Variants in CORO1C observed in about 807,000 individuals in gnomAD.
CORO1C encodes coronin 1C.
Under a neutral mutation model 51.2 loss-of-function variants are expected in CORO1C, and 14 were observed. The observed-to-expected ratio is 0.27, with a 90% confidence interval of 0.18 to 0.43. The LOEUF (loss-of-function observed/expected upper bound fraction) is 0.43. CORO1C is among the 20% of genes least tolerant of loss of function. The pLI, the probability that CORO1C is intolerant of heterozygous loss-of-function variation, is 1.00. For synonymous variants in CORO1C, 181 were observed against 210.5 expected, an observed-to-expected ratio of 0.86 and a Z score of 1.21; for missense variants, 417 against 607.8, an observed-to-expected ratio of 0.69 and a Z score of 3.30.
intron 3 of CORO1C, among the ~76,000 whole-genome samples, chr12:108,667,044 T>C (rs1172886807): frequency 6.6e-6 from 1 of 151,346 alleles, no homozygotes; most frequent in Non-Finnish European, 1.5e-5. Context: ...CTAAATATTA[T>C]CATGCACATA....
intron 2 of CORO1C, among the ~76,000 whole-genome samples, chr12:108,689,379 G>A (rs1039131530): frequency 9.2e-5 from 14 of 152,168 alleles, no homozygotes; most frequent in Non-Finnish European, 1.6e-4. Flanking sequence ...ACATTCATTC[G>A]AGTGATAAGT....
In CORO1C at chr12:108,709,583, T is replaced by C. The variant is rs993091162; in HGVS notation, c.-5-8260A>G. ...TTAAAAACTGTTCAGTTTTAACCTT[T>C]AAATTAAGATGGCATATCACCAAAC... On this transcript the variant is annotated intron_variant, in intron 1 of 10. Transcript: ENST00000261401. 9.3e-3 allele frequency among the ~76,000 whole-genome samples: 1,414 copies of C among 152,318 alleles called. 26 individuals are homozygous for C. The highest frequency in any genetic ancestry group is 0.032 in the African/African-American group (1,345 of 41,564).
chr12:108,649,052 TA>T, intron 8 of CORO1C, 32 bp from the exon 9 acceptor site: 2 of 1,609,112 alleles, frequency 1.2e-6, no homozygotes, highest in Non-Finnish European at 1.7e-6. Flanking sequence ...AAAGTTGCAT[TA>T]AGTGAAATAT....
chr12:108,692,989 G>C (rs1049004543), intron 2 of CORO1C, among the ~76,000 whole-genome samples: 2 of 151,760 alleles, frequency 1.3e-5, no homozygotes, highest in Non-Finnish European at 2.9e-5. Context: ...GTAGAGACAG[G>C]GTTTCACCAT....
At chr12:108,718,834 T>A (rs1408243597) in intron 1 of CORO1C, among the ~76,000 whole-genome samples, 2 of 152,226 alleles carry the variant, frequency 1.3e-5, no homozygotes, top group Non-Finnish European at 2.9e-5. Context: ...TTTAACTCAC[T>A]GGAGATAATG....
chr12:108,654,196 C>G, intron 7 of CORO1C, 110 bp downstream of exon 7: 1 of 752,562 alleles, frequency 1.3e-6, no homozygotes. Context: ...CATACACACA[C>G]AAATTAGAAA....
In CORO1C at chr12:108,658,994, A is replaced by G. The variant is rs2033143063; in HGVS notation, c.449-75T>C. The G allele has an allele frequency of 1.4e-6, 2 of 1,457,028 alleles. No individual in the cohort carries two copies. Among genetic ancestry groups the G allele is most frequent in the Middle Eastern group, 3.6e-4 (2 of 5,604 alleles). The allele number at this position is 1,457,028 out of a possible 1,614,324, so 90.3% of individuals were successfully genotyped here. On this transcript the variant is annotated intron_variant, in intron 4 of 10. Coordinates refer to ENST00000261401, the MANE Select transcript of CORO1C (RefSeq NM_014325.4). The surrounding 1 kb of genome is among the most constrained non-coding windows in gnomAD (Gnocchi z 4.9). ...AACACACTCAGAAAACTACAGATACAGTGAGAATACACATATGTATATGCA... is the reference window on the plus strand; with the variant it reads ...AACACACTCAGAAAACTACAGATACGGTGAGAATACACATATGTATATGCA...
chr12:108,720,525 A>ATT lies in CORO1C; in HGVS notation c.-6+10902_-6+10903dup, dbSNP rs529801525. On this transcript the variant is annotated intron_variant, in intron 1 of 10. Coordinates refer to ENST00000261401, the MANE Select transcript of CORO1C (RefSeq NM_014325.4). ...GTTAGTTTATAATAACATAATAAGA[A>ATT]TTTTTTTTTTTTATTTGAGATGGAG... is the stretch of plus-strand genomic sequence containing the variant. Among the ~76,000 whole-genome samples, 29 of 148,964 alleles carry ATT rather than the reference A, an allele frequency of 1.9e-4. 1 individual carries two copies. The highest frequency in any genetic ancestry group is 1.3e-3 in the South Asian group (6 of 4,728).
At chr12:108,713,347 T>A (rs781384281) in intron 1 of CORO1C, among the ~76,000 whole-genome samples, 8 of 152,194 alleles carry the variant, frequency 5.3e-5, no homozygotes, top group Non-Finnish European at 1.0e-4. Flanking sequence ...GTTGGTTCAA[T>A]TGATTATAAC....
intron 2 of CORO1C, among the ~76,000 whole-genome samples, chr12:108,698,871 T>C (rs893343598): frequency 1.2e-4 from 19 of 152,210 alleles, no homozygotes; most frequent in African/African-American, 4.6e-4. Context: ...CTATGCCACA[T>C]TGACGCTAAG....
chr12:108,656,986 A>G (rs1030553288), intron 6 of CORO1C, among the ~76,000 whole-genome samples: 6 of 152,088 alleles, frequency 3.9e-5, no homozygotes, highest in Non-Finnish European at 8.8e-5. Flanking sequence ...CCTTCCCTCC[A>G]CTATTGTCCT....
intron 2 of CORO1C, 112 bp downstream of exon 2, chr12:108,701,012 C>A: frequency 1.7e-6 from 2 of 1,170,870 alleles, no homozygotes; most frequent in Non-Finnish European, 2.5e-6. Context: ...TCAATTACAT[C>A]AGAGTCTAAT....
At chr12:108,696,562 G>A (rs927384743) in intron 2 of CORO1C, among the ~76,000 whole-genome samples, 2 of 152,206 alleles carry the variant, frequency 1.3e-5, no homozygotes, top group African/African-American at 4.8e-5. Flanking sequence ...TCATGCCAAC[G>A]TGGTAGATTA....
At chr12:108,705,440 A>T (rs2034998507) in intron 1 of CORO1C, among the ~76,000 whole-genome samples, 1 of 141,022 alleles carries the variant, frequency 7.1e-6, no homozygotes. Context: ...AGCCTAGGTG[A>T]CAGAGCAAGA....
In CORO1C at chr12:108,647,268, G is replaced by A; in HGVS notation, c.*135C>T. The A allele has an allele frequency of 1.3e-6, 1 of 771,784 alleles. No homozygotes were observed. Among genetic ancestry groups the A allele is most frequent in the Non-Finnish European group, 2.0e-6 (1 of 501,572 alleles). The allele number at this position is 771,784 out of a possible 1,614,324, so 47.8% of individuals were successfully genotyped here. ...TCTTACTGGAATGTGGCCTATCGCTGGTTGACAAATCTGAAATGGAATGTC... is the reference window on the plus strand; with the variant it reads ...TCTTACTGGAATGTGGCCTATCGCTAGTTGACAAATCTGAAATGGAATGTC... On this transcript the variant is annotated 3_prime_UTR_variant, in exon 11 of 11. Coordinates refer to ENST00000261401, the MANE Select transcript of CORO1C (RefSeq NM_014325.4).
At chr12:108,688,827 C>T (rs2034393525) in intron 2 of CORO1C, among the ~76,000 whole-genome samples, 1 of 152,060 alleles carries the variant, frequency 6.6e-6, no homozygotes, top group Non-Finnish European at 1.5e-5. Context: ...GTCAGGAGTT[C>T]GAGACCAGCC....
chr12:108,659,891 A>G (rs540195421), intron 4 of CORO1C, among the ~76,000 whole-genome samples: 1 of 152,372 alleles, frequency 6.6e-6, no homozygotes, highest in Admixed American at 6.5e-5. Context: ...ACATAGATTC[A>G]GAAACGGATT....
intron 1 of CORO1C, among the ~76,000 whole-genome samples, chr12:108,727,650 C>T (rs143816150): frequency 4.2e-4 from 64 of 152,302 alleles, no homozygotes; most frequent in African/African-American, 1.4e-3. Flanking sequence ...CCAGTCCTCT[C>T]ACATTTGGGT....
chr12:108,695,067 C>T (rs904053518), intron 2 of CORO1C, among the ~76,000 whole-genome samples: 1 of 152,196 alleles, frequency 6.6e-6, no homozygotes, highest in African/African-American at 2.4e-5. Flanking sequence ...GGGTTTTTCA[C>T]GAGATAGTGT....
Sources: gnomAD v4.1 joint callset for allele counts (sites outside exome capture counted in the v4.1 genomes callset) on GRCh38, gnomAD v4.1.1 for gene constraint, Gnocchi (gnomAD v3.1) non-coding constraint, MANE v1.5 for transcripts, NCBI Gene and HGNC (gene_info 2026-07-23, HGNC 2026-07-21) for gene names.